Variants in FOXJ3 observed in about 807,000 individuals in gnomAD.
The protein encoded by FOXJ3 is forkhead box protein J3.
In FOXJ3, 22 loss-of-function variants were observed where a neutral mutation model predicts 76.1. The ratio of observed to expected loss-of-function variants is 0.29; its 90% CI spans 0.21 to 0.41. The LOEUF is 0.41. FOXJ3 is among the 10% of genes least tolerant of loss of function. FOXJ3 has a pLI of 1.00. For missense variants in FOXJ3, 613 were observed against 762.1 expected (o/e 0.80, Z 2.30); for synonymous variants, 269 against 261.2 (o/e 1.03, Z -0.29).
chr1:42,328,307 A>C (rs900382551), intron 1 of FOXJ3, among the ~76,000 whole-genome samples: 3 of 152,166 alleles, frequency 2.0e-5, no homozygotes, highest in Admixed American at 2.0e-4. Flanking sequence ...AAAAAAATAA[A>C]AATTCCTACC....
intron 3 of FOXJ3, among the ~76,000 whole-genome samples, chr1:42,266,483 T>C (rs532076591): frequency 5.9e-5 from 9 of 152,124 alleles, no homozygotes; most frequent in African/African-American, 2.2e-4. Context: ...CACAACTAAA[T>C]CACCTTTGGC....
intron 4 of FOXJ3, among the ~76,000 whole-genome samples, chr1:42,249,650 A>G (rs1252468197): frequency 5.3e-5 from 8 of 152,260 alleles, no homozygotes; most frequent in Non-Finnish European, 2.9e-5. Flanking sequence ...AAAGACAAAC[A>G]TCACTTTTGA....
At chr1:42,268,281 C>G (rs1651620769) in intron 3 of FOXJ3, among the ~76,000 whole-genome samples, 1 of 151,626 alleles carries the variant, frequency 6.6e-6, no homozygotes, top group South Asian at 2.1e-4. Flanking sequence ...ACTATGCAAG[C>G]CAGAAGGCAA....
intron 5 of FOXJ3, among the ~76,000 whole-genome samples, chr1:42,209,685 T>A (rs1646928729): frequency 6.6e-6 from 1 of 152,220 alleles, no homozygotes; most frequent in Middle Eastern, 3.4e-3. Flanking sequence ...GGGGAGAATA[T>A]GAGGAGAAGC....
chr1:42,216,467 G>C (rs1022580744), intron 5 of FOXJ3, among the ~76,000 whole-genome samples: 1 of 150,964 alleles, frequency 6.6e-6, no homozygotes, highest in Non-Finnish European at 1.5e-5. Flanking sequence ...GCAGTGAGCC[G>C]AGATCGCGCC....
intron 1 of FOXJ3, among the ~76,000 whole-genome samples, chr1:42,326,658 C>T (rs1356930018): frequency 1.3e-5 from 2 of 152,114 alleles, no homozygotes; most frequent in Non-Finnish European, 2.9e-5. Flanking sequence ...CTGAATTCTA[C>T]GAAGACAAAG....
chr1:42,324,218 T>C lies in FOXJ3; in HGVS notation c.-18+10841A>G, dbSNP rs1417336128. Among the ~76,000 whole-genome samples, 8 of 135,104 alleles carry C rather than the reference T, an allele frequency of 5.9e-5. No individual in the cohort carries two copies. In the Admixed American group the frequency reaches 6.1e-4, roughly 10 times the overall value. The allele number at this position is 135,104 out of a possible 152,430, so 88.6% of individuals were successfully genotyped here. A position where few individuals can be genotyped will look rare whatever the true frequency, so the allele number is the denominator to read the frequency against. On this transcript the variant is annotated intron_variant, in intron 1 of 12. Coordinates refer to ENST00000361346, the MANE Select transcript of FOXJ3 (RefSeq NM_014947.5). ...ATATACTATATATATACTATATATATAAATTCTAGGAATATATACACACTA... is the reference window on the plus strand; with the variant it reads ...ATATACTATATATATACTATATATACAAATTCTAGGAATATATACACACTA...
At chr1:42,181,869 AC>A (rs1646328859) in intron 12 of FOXJ3, 47 bp downstream of exon 12, 3 of 871,754 alleles carry the variant, frequency 3.4e-6, no homozygotes, top group African/African-American at 1.7e-5. Context: ...GAGTGCTCAC[AC>A]ACACACACAC....
chr1:42,303,205 T>A (rs573966309), intron 2 of FOXJ3, among the ~76,000 whole-genome samples: 1 of 152,250 alleles, frequency 6.6e-6, no homozygotes, highest in African/African-American at 2.4e-5. Context: ...AGGACCTATG[T>A]ATGAATCCCA....
rs1646278800 is a variant in FOXJ3 at position 42,179,704 on chromosome 1, C to G, written c.*6G>C. 1.3e-6 allele frequency: 2 copies of G among 1,568,098 alleles called. No individual in the cohort carries two copies. The highest frequency in any genetic ancestry group is 1.7e-5 in the Admixed American group (1 of 59,952). ...GTTAGGGTCTGGTGTCTTGCAGAAACAAGCCCTACACAATTGAATCCCAAT... is the reference window on the plus strand; with the variant it reads ...GTTAGGGTCTGGTGTCTTGCAGAAAGAAGCCCTACACAATTGAATCCCAAT... On this transcript the variant is annotated 3_prime_UTR_variant, in exon 13 of 13. Transcript: ENST00000361346.
intron 2 of FOXJ3, among the ~76,000 whole-genome samples, chr1:42,281,534 A>T (rs1652713367): frequency 6.6e-6 from 1 of 152,246 alleles, no homozygotes; most frequent in Non-Finnish European, 1.5e-5. Context: ...TCAGTTCCAC[A>T]AGAGCAAATT....
At chr1:42,291,313 A>C (rs1653424035) in intron 2 of FOXJ3, among the ~76,000 whole-genome samples, 1 of 152,246 alleles carries the variant, frequency 6.6e-6, no homozygotes, top group Admixed American at 6.5e-5. Flanking sequence ...AGAAATCATA[A>C]GAGAAAATCT....
At chr1:42,247,957 T>C (rs560236293) in intron 4 of FOXJ3, among the ~76,000 whole-genome samples, 1 of 152,198 alleles carries the variant, frequency 6.6e-6, no homozygotes, top group South Asian at 2.1e-4. Flanking sequence ...TGCTACAATA[T>C]GGATGATCCT....
intron 4 of FOXJ3, among the ~76,000 whole-genome samples, chr1:42,245,170 A>C (rs1163871347): frequency 2.2e-4 from 3 of 13,792 alleles, no homozygotes; most frequent in Non-Finnish European, 4.0e-4. Flanking sequence ...TCGTCTCAAA[A>C]AAAAAAAAAA....
At chr1:42,206,964 G>C (rs1646873050) in intron 5 of FOXJ3, among the ~76,000 whole-genome samples, 1 of 151,978 alleles carries the variant, frequency 6.6e-6, no homozygotes, top group African/African-American at 2.4e-5. Context: ...CCAAGTAGCT[G>C]GGATTACAGG....
intron 4 of FOXJ3, among the ~76,000 whole-genome samples, chr1:42,246,752 G>GC (rs1649585868): frequency 6.6e-6 from 1 of 152,028 alleles, no homozygotes; most frequent in Admixed American, 6.6e-5. Flanking sequence ...CATGTTTACT[G>GC]CAACATTATT....
At chr1:42,258,617 A>C (rs187025148) in intron 4 of FOXJ3, among the ~76,000 whole-genome samples, 10 of 152,342 alleles carry the variant, frequency 6.6e-5, no homozygotes. Context: ...ACTTTTAAAT[A>C]CATTGATCAT....
intron 2 of FOXJ3, among the ~76,000 whole-genome samples, chr1:42,309,263 T>C (rs1456337219): frequency 6.6e-6 from 1 of 152,142 alleles, no homozygotes; most frequent in African/African-American, 2.4e-5. Flanking sequence ...TCTAGGCTGC[T>C]CCAACCACAC....
intron 3 of FOXJ3, among the ~76,000 whole-genome samples, chr1:42,266,689 C>T (rs1557686107): frequency 6.6e-6 from 1 of 152,056 alleles, no homozygotes; most frequent in Non-Finnish European, 1.5e-5. Context: ...GGAAAGGAGA[C>T]CCAAGAAAGT....
Sources: allele counts gnomAD v4.1 joint callset (sites outside exome capture counted in the v4.1 genomes callset), GRCh38; gene constraint gnomAD v4.1.1; transcripts MANE v1.5; gene names NCBI Gene and HGNC (gene_info 2026-07-23, HGNC 2026-07-21).